The following CAMTA1 variants were observed in gnomAD, a reference collection of about 807,000 sequenced individuals.
CAMTA1 encodes calmodulin binding transcription activator 1.
CAMTA1 carries 27 observed loss-of-function variants against 170.9 expected under a neutral mutation model. The ratio of observed to expected loss-of-function variants is 0.16; its 90% confidence interval spans 0.12 to 0.22. The LOEUF is 0.22. CAMTA1 is among the 10% of genes least tolerant of loss of function. The pLI, the probability that CAMTA1 is intolerant of heterozygous loss-of-function variation, is 1.00. For synonymous variants in CAMTA1, 833 were observed against 891.5 expected (o/e 0.93, Z 1.17); for missense variants, 1,619 against 2,217.2 (o/e 0.73, Z 5.42).
intron 4 of CAMTA1, among the ~76,000 whole-genome samples, chr1:7,138,326 C>T (rs1558153374): frequency 6.6e-6 from 1 of 152,118 alleles, no homozygotes; most frequent in Non-Finnish European, 1.5e-5. Flanking sequence ...TAGCTCATAT[C>T]CTCGATTAGT....
chr1:6,868,357 G>T (rs1227930433), intron 3 of CAMTA1, among the ~76,000 whole-genome samples: 10 of 145,290 alleles, frequency 6.9e-5, no homozygotes, highest in African/African-American at 2.6e-4. Flanking sequence ...AACAAAAAAC[G>T]ACTGTATAGG....
At chr1:7,528,835 ATG>A (rs2094459549) in intron 6 of CAMTA1, among the ~76,000 whole-genome samples, 1 of 110,672 alleles carries the variant, frequency 9.0e-6, no homozygotes, top group Non-Finnish European at 2.1e-5. Flanking sequence ...GAATGAATGA[ATG>A]AAGTGAGTGA....
intron 6 of CAMTA1, among the ~76,000 whole-genome samples, chr1:7,497,791 G>A (rs57983242): frequency 0.015 from 2,241 of 152,332 alleles, 44 homozygotes; most frequent in African/African-American, 0.05. Context: ...GCCTTAGTAA[G>A]GGGGGCAGCG....
At chr1:7,678,679 G>C (rs1429020598) in intron 11 of CAMTA1, among the ~76,000 whole-genome samples, 1 of 152,204 alleles carries the variant, frequency 6.6e-6, no homozygotes, top group African/African-American at 2.4e-5. Context: ...CATAACCTCA[G>C]TATCAGGTGA....
chr1:7,079,476 T>TATCACTAAAGA (rs1226751559), intron 3 of CAMTA1, among the ~76,000 whole-genome samples: 2 of 151,710 alleles, frequency 1.3e-5, no homozygotes, highest in African/African-American at 4.8e-5. Context: ...ATAAAGATTT[T>TATCACTAAAGA]TTTTTTCTTT....
intron 4 of CAMTA1, among the ~76,000 whole-genome samples, chr1:7,193,851 G>A (rs1655013163): frequency 6.6e-6 from 1 of 152,180 alleles, no homozygotes; most frequent in African/African-American, 2.4e-5. Context: ...TACAGAAGAG[G>A]CTGACGGCCC....
At chr1:6,847,488 G>C (rs890907269) in intron 3 of CAMTA1, among the ~76,000 whole-genome samples, 15 of 151,964 alleles carry the variant, frequency 9.9e-5, no homozygotes, top group African/African-American at 3.6e-4. Flanking sequence ...GTTAAGGTTA[G>C]AGAGTAGCAG....
intron 3 of CAMTA1, among the ~76,000 whole-genome samples, chr1:6,844,707 A>G (rs1274350116): frequency 6.6e-6 from 1 of 151,304 alleles, no homozygotes; most frequent in East Asian, 1.9e-4. Flanking sequence ...AAAAAAAAAA[A>G]AAAAAAAGTT....
At chr1:6,814,854 T>C (rs1036405930) in intron 1 of CAMTA1, among the ~76,000 whole-genome samples, 1 of 152,210 alleles carries the variant, frequency 6.6e-6, no homozygotes, top group African/African-American at 2.4e-5. Context: ...CCAAAGCCTG[T>C]AATCACTTCT....
At chr1:7,488,828 A>C (rs2093659136) in intron 6 of CAMTA1, among the ~76,000 whole-genome samples, 1 of 152,160 alleles carries the variant, frequency 6.6e-6, no homozygotes, top group African/African-American at 2.4e-5. Context: ...CCTTAACATC[A>C]CACACATATG....
At chr1:6,857,181 G>A (rs1302366352) in intron 3 of CAMTA1, among the ~76,000 whole-genome samples, 4 of 152,292 alleles carry the variant, frequency 2.6e-5, no homozygotes, top group South Asian at 4.1e-4. Flanking sequence ...GAAAGTTAAC[G>A]GTGGAGGTGG....
chr1:7,028,518 T>C (rs1702315551), intron 3 of CAMTA1, among the ~76,000 whole-genome samples: 1 of 152,194 alleles, frequency 6.6e-6, no homozygotes, highest in Non-Finnish European at 1.5e-5. Context: ...ATTTCCTGCA[T>C]GTTCTCCTTC....
chr1:7,100,158 G>A (rs1309471139), intron 4 of CAMTA1, among the ~76,000 whole-genome samples: 1 of 152,104 alleles, frequency 6.6e-6, no homozygotes, highest in Admixed American at 6.5e-5. Context: ...GTTGTTCCTG[G>A]GGTCCCCTGC....
chr1:7,312,462 G>T (rs1007234534), intron 5 of CAMTA1, among the ~76,000 whole-genome samples: 3 of 152,158 alleles, frequency 2.0e-5, no homozygotes, highest in Non-Finnish European at 4.4e-5. Context: ...CAGGGATGAA[G>T]GAGGAATAGG....
At chr1:7,340,827 T>C (rs2083774053) in intron 5 of CAMTA1, among the ~76,000 whole-genome samples, 1 of 151,960 alleles carries the variant, frequency 6.6e-6, no homozygotes, top group South Asian at 2.1e-4. Context: ...AAACAATGAA[T>C]TAGACCACAA....
chr1:7,476,381 C>T (rs1575520935), intron 6 of CAMTA1, among the ~76,000 whole-genome samples: 1 of 152,152 alleles, frequency 6.6e-6, no homozygotes. Context: ...GAAGGAGACA[C>T]AGAATGGGCG....
rs1052465875 is a variant in CAMTA1, at chr1:7,575,276, G to A, written c.511-65124G>A. 2.0e-5 allele frequency among the ~76,000 whole-genome samples: 3 copies of A among 152,154 alleles called. No homozygotes were observed. In the East Asian group the frequency reaches 5.8e-4, roughly 29 times the overall value. ...GTAGCCTGAGCTGTGCCTCTGCACT[G>A]AATTCCTCTACCCCACACTGCCCCG... On this transcript the variant is annotated intron_variant, in intron 6 of 22. Coordinates refer to ENST00000303635, the MANE Select transcript of CAMTA1 (RefSeq NM_015215.4).
rs537664372 is a variant in CAMTA1 at position 7,316,666 on chromosome 1, C to A, written c.438+67040C>A. Among the ~76,000 whole-genome samples the A allele has an allele frequency of 1.1e-4, 16 of 152,284 alleles. No homozygotes were observed. The South Asian group carries it at 3.3e-3, about 32-fold the overall frequency. On this transcript the variant is annotated intron_variant, in intron 5 of 22. Coordinates refer to ENST00000303635, the MANE Select transcript of CAMTA1 (RefSeq NM_015215.4). The stretch of plus-strand genomic sequence containing the variant: ...CAGCAATCTGCTAGACTGGGGGATG[C>A]AGAAATGAAAGGCCTGGCCTTTTGT...
At chr1:6,882,836 C>T (rs547176320) in intron 3 of CAMTA1, among the ~76,000 whole-genome samples, 14 of 151,894 alleles carry the variant, frequency 9.2e-5, no homozygotes, top group South Asian at 2.1e-4. Context: ...TAAGGGGAAG[C>T]GGGTAGAAGG....
Sources: allele counts gnomAD v4.1 joint callset (sites outside exome capture counted in the v4.1 genomes callset), GRCh38; gene constraint gnomAD v4.1.1; transcripts MANE v1.5; gene names NCBI Gene and HGNC (gene_info 2026-07-23, HGNC 2026-07-21).